Variants in NFIA observed in about 807,000 individuals in gnomAD.
The protein encoded by NFIA is nuclear factor I A, also known as nuclear factor 1 A-type.
A neutral mutation model predicts 62.8 loss-of-function variants in NFIA; 8 were observed. The ratio of observed to expected loss-of-function variants is 0.13; its 90% confidence interval spans 0.07 to 0.23. The LOEUF is 0.23. NFIA is among the 10% of genes least tolerant of loss of function. The pLI is 1.00. For synonymous variants in NFIA, 235 were observed against 238.1 expected (o/e 0.99, Z 0.12); for missense variants, 410 against 642.1 (o/e 0.64, Z 3.91).
At chr1:61,309,267 A>G (rs1019628112) in intron 3 of NFIA, among the ~76,000 whole-genome samples, 1 of 152,056 alleles carries the variant, frequency 6.6e-6, no homozygotes, top group Non-Finnish European at 1.5e-5. Context: ...CGTGTGTCCT[A>G]CGAATCTTGG....
chr1:61,149,717 AG>A (rs1648266886), intron 2 of NFIA, among the ~76,000 whole-genome samples: 1 of 152,206 alleles, frequency 6.6e-6, no homozygotes, highest in Admixed American at 6.5e-5. Context: ...AACTTCTCTG[AG>A]TTCCCCTGTC....
chr1:61,286,484 T>C lies in NFIA; in HGVS notation c.625+8899T>C, dbSNP rs117814913. ...ATATTTGGACTAGGTATTGGATGTG[T>C]TAAGGGAATACAGAGATAGAGCAGA... On this transcript the variant is annotated intron_variant, in intron 3 of 10. Coordinates refer to ENST00000403491, the MANE Select transcript of NFIA (RefSeq NM_001134673.4). Among the ~76,000 whole-genome samples the C allele has an allele frequency of 1.9e-3, 295 of 151,686 alleles. 8 individuals carry two copies. In the East Asian group the frequency reaches 0.037, roughly 19 times the overall value.
At chr1:61,246,201 A>G (rs1214080458) in intron 2 of NFIA, among the ~76,000 whole-genome samples, 1 of 152,174 alleles carries the variant, frequency 6.6e-6, no homozygotes. Context: ...TCTAATAATA[A>G]TGCTGTTTAA....
chr1:61,296,911 G>A (rs748883773), intron 3 of NFIA, among the ~76,000 whole-genome samples: 1 of 152,020 alleles, frequency 6.6e-6, no homozygotes, highest in Non-Finnish European at 1.5e-5. Flanking sequence ...CTAGAAGTAC[G>A]GCAGAATGGG....
At chr1:61,237,699 G>A (rs1655090899) in intron 2 of NFIA, among the ~76,000 whole-genome samples, 1 of 152,108 alleles carries the variant, frequency 6.6e-6, no homozygotes, top group African/African-American at 2.4e-5. Context: ...TATTTTGTGA[G>A]TTTACTACAT....
At chr1:61,339,816 C>A (rs1027357685) in intron 4 of NFIA, among the ~76,000 whole-genome samples, 1 of 152,134 alleles carries the variant, frequency 6.6e-6, no homozygotes, top group African/African-American at 2.4e-5. Flanking sequence ...ACCCTCCTCA[C>A]CTAATGAAGC....
chr1:61,422,386 C>T (rs567187687), intron 9 of NFIA, among the ~76,000 whole-genome samples: 1 of 152,278 alleles, frequency 6.6e-6, no homozygotes, highest in East Asian at 1.9e-4. Context: ...AGTTTGACCA[C>T]GTTTTCAACA....
intron 3 of NFIA, among the ~76,000 whole-genome samples, chr1:61,330,037 A>G (rs1661206004): frequency 6.6e-6 from 1 of 152,172 alleles, no homozygotes; most frequent in Non-Finnish European, 1.5e-5. Context: ...GTCAGGGATG[A>G]TGCCAAAAAA....
chr1:61,246,294 T>C (rs755837765), intron 2 of NFIA, among the ~76,000 whole-genome samples: 4 of 152,230 alleles, frequency 2.6e-5, no homozygotes, highest in Non-Finnish European at 5.9e-5. Context: ...ATAGTTGTAG[T>C]AATGATTGTT....
At chr1:61,284,382 T>C (rs1242985957) in intron 3 of NFIA, among the ~76,000 whole-genome samples, 1 of 152,200 alleles carries the variant, frequency 6.6e-6, no homozygotes, top group Non-Finnish European at 1.5e-5. Flanking sequence ...TTAGCAGGTG[T>C]GACCCATCAT....
intron 2 of NFIA, among the ~76,000 whole-genome samples, chr1:61,249,412 T>C (rs980041560): frequency 6.6e-6 from 1 of 152,218 alleles, no homozygotes; most frequent in Admixed American, 6.5e-5. Flanking sequence ...GTTTTTTAAG[T>C]GTCTTCTTTA....
At chr1:61,270,677 G>C (rs1039870472) in intron 2 of NFIA, among the ~76,000 whole-genome samples, 1 of 151,912 alleles carries the variant, frequency 6.6e-6, no homozygotes, top group Non-Finnish European at 1.5e-5. Flanking sequence ...CAAGAACCTA[G>C]TGTTAAGATT....
intron 6 of NFIA, among the ~76,000 whole-genome samples, chr1:61,368,152 A>G (rs1663692102): frequency 6.6e-6 from 1 of 152,152 alleles, no homozygotes; most frequent in Non-Finnish European, 1.5e-5. Flanking sequence ...CAAATCTCCA[A>G]ATTTTTAATT....
At chr1:61,319,835 A>ACACACACACACACACACACACC (rs1254829829) in intron 3 of NFIA, among the ~76,000 whole-genome samples, 1 of 140,962 alleles carries the variant, frequency 7.1e-6, no homozygotes. Context: ...ACACACACAC[A>ACACACACACACACACACACACC]CCAACTTTCA....
chr1:61,195,060 GT>G (rs1195883257), intron 2 of NFIA, among the ~76,000 whole-genome samples: 1 of 131,160 alleles, frequency 7.6e-6, no homozygotes, highest in Non-Finnish European at 1.6e-5. Context: ...ACCACCTCTT[GT>G]TGTATGTTAT....
At chr1:61,106,975 TACAC>T (rs1418851448) in intron 2 of NFIA, among the ~76,000 whole-genome samples, 1 of 151,506 alleles carries the variant, frequency 6.6e-6, no homozygotes. Context: ...TAAATACATA[TACAC>T]ACACACTTCT....
chr1:61,139,009 G>A (rs986904133), intron 2 of NFIA, among the ~76,000 whole-genome samples: 1 of 151,700 alleles, frequency 6.6e-6, no homozygotes, highest in Non-Finnish European at 1.5e-5. Flanking sequence ...GGCCAACATG[G>A]TGAAACCTCA....
At chr1:61,196,947 G>A (rs992110316) in intron 2 of NFIA, among the ~76,000 whole-genome samples, 6 of 149,662 alleles carry the variant, frequency 4.0e-5, no homozygotes, top group African/African-American at 1.0e-4. Flanking sequence ...GTGTGCGCGC[G>A]CGCGCTGTGT....
chr1:61,164,680 T>C (rs573062846), intron 2 of NFIA, among the ~76,000 whole-genome samples: 1 of 152,164 alleles, frequency 6.6e-6, no homozygotes, highest in Non-Finnish European at 1.5e-5. Flanking sequence ...CAGGATGGTC[T>C]CAATCTCCTG....
Sources: allele counts gnomAD v4.1 joint callset (sites outside exome capture counted in the v4.1 genomes callset), GRCh38; gene constraint gnomAD v4.1.1; transcripts MANE v1.5; gene names NCBI Gene and HGNC (gene_info 2026-07-23, HGNC 2026-07-21).